The following NCOA1 variants were observed in gnomAD, a reference collection of about 807,000 sequenced individuals.
The protein encoded by NCOA1 is Hin-2 protein.
NCOA1 carries 35 observed loss-of-function variants against 150.9 expected under a neutral mutation model. The ratio of observed to expected loss-of-function variants is 0.23; its 90% CI spans 0.18 to 0.31. The LOEUF (loss-of-function observed/expected upper bound fraction) is 0.31, where lower values mean the gene tolerates loss of function less well. Among genes scored for constraint, NCOA1 ranks in the 10% least tolerant of loss-of-function variants. The pLI, the probability that NCOA1 is intolerant of heterozygous loss-of-function variation, is 1.00. For synonymous variants in NCOA1, 590 were observed against 630.0 expected (o/e 0.94, Z 0.95); for missense variants, 1,491 against 1,749.3 (o/e 0.85, Z 2.63).
chr2:24,673,135 T>A (rs577806353), intron 6 of NCOA1, among the ~76,000 whole-genome samples: 2 of 152,374 alleles, frequency 1.3e-5, no homozygotes, highest in East Asian at 3.9e-4. Context: ...TATTCAAATG[T>A]TCATGCTACC....
intron 17 of NCOA1, among the ~76,000 whole-genome samples, chr2:24,730,124 G>C (rs1662926549): frequency 6.6e-6 from 1 of 152,146 alleles, no homozygotes; most frequent in South Asian, 2.1e-4. Flanking sequence ...GATTACAGGC[G>C]TGAGCCACCG....
chr2:24,586,848 C>T (rs1667433244), intron 3 of NCOA1, among the ~76,000 whole-genome samples: 1 of 152,174 alleles, frequency 6.6e-6, no homozygotes. Flanking sequence ...GTCTGGCTCC[C>T]AGGAGCCTCT....
chr2:24,493,810 G>A (rs967636592), intron 1 of NCOA1, among the ~76,000 whole-genome samples: 10 of 152,200 alleles, frequency 6.6e-5, no homozygotes, highest in Non-Finnish European at 1.3e-4. Flanking sequence ...GAAGCTGTAA[G>A]GGTAGCATGA....
chr2:24,540,521 C>T (rs939849830), intron 1 of NCOA1, among the ~76,000 whole-genome samples: 2 of 150,014 alleles, frequency 1.3e-5, no homozygotes, highest in African/African-American at 2.5e-5. Flanking sequence ...TGCAGTGGTG[C>T]GATCTTGGCT....
At chr2:24,711,181 C>T in intron 14 of NCOA1, 70 bp downstream of exon 14, 1 of 1,391,374 alleles carries the variant, frequency 7.2e-7, no homozygotes, top group East Asian at 2.4e-5. Flanking sequence ...TGTCTCTCAC[C>T]AGTATTACAC....
chr2:24,509,332 A>G (rs1325698011), intron 1 of NCOA1, among the ~76,000 whole-genome samples: 1 of 152,252 alleles, frequency 6.6e-6, no homozygotes, highest in Non-Finnish European at 1.5e-5. Flanking sequence ...TCTTGTGCTC[A>G]TAATCACTTT....
chr2:24,575,564 T>G (rs1666919122), intron 2 of NCOA1, among the ~76,000 whole-genome samples: 1 of 150,874 alleles, frequency 6.6e-6, no homozygotes, highest in Admixed American at 6.6e-5. Context: ...AGAGGCCATT[T>G]TTTTTCTTTT....
At chr2:24,559,875 G>A (rs1334471324) in intron 1 of NCOA1, among the ~76,000 whole-genome samples, 4 of 152,186 alleles carry the variant, frequency 2.6e-5, no homozygotes, top group Non-Finnish European at 5.9e-5. Context: ...CCCAGAGGCA[G>A]AGGCATTTTG....
At chr2:24,585,950 AG>A (rs1208621405) in intron 3 of NCOA1, among the ~76,000 whole-genome samples, 1 of 152,214 alleles carries the variant, frequency 6.6e-6, no homozygotes, top group African/African-American at 2.4e-5. Flanking sequence ...AAACATATGA[AG>A]GATTTTTAAT....
intron 3 of NCOA1, among the ~76,000 whole-genome samples, chr2:24,604,909 T>C (rs1425212359): frequency 6.6e-6 from 1 of 152,246 alleles, no homozygotes; most frequent in Non-Finnish European, 1.5e-5. Flanking sequence ...TTCTAGCTTT[T>C]GATTTAAAGT....
intron 3 of NCOA1, among the ~76,000 whole-genome samples, chr2:24,589,630 GGTGT>G (rs148118845): frequency 0.026 from 3,770 of 147,528 alleles, 150 homozygotes; most frequent in African/African-American, 0.083. Flanking sequence ...AGAGGTTGGT[GGTGT>G]GTGTGTGTGT....
chr2:24,760,895 T>C (rs2148697056), intron 21 of NCOA1, among the ~76,000 whole-genome samples: 1 of 152,130 alleles, frequency 6.6e-6, no homozygotes, highest in East Asian at 1.9e-4. Flanking sequence ...TCACCCAGGC[T>C]GGAGTGTAAT....
intron 3 of NCOA1, among the ~76,000 whole-genome samples, chr2:24,612,439 T>G (rs1286681975): frequency 6.6e-6 from 1 of 152,256 alleles, no homozygotes; most frequent in African/African-American, 2.4e-5. Flanking sequence ...CTACCTCTCT[T>G]GCAAGATTCG....
At chr2:24,665,565 T>C (rs1671382061) in intron 5 of NCOA1, among the ~76,000 whole-genome samples, 184 bp from the exon 6 acceptor site, 1 of 152,232 alleles carries the variant, frequency 6.6e-6, no homozygotes, top group Admixed American at 6.5e-5. Flanking sequence ...CCAGAATTGT[T>C]TTCTAAATTT....
At chr2:24,567,761 C>CT (rs956107262) in intron 2 of NCOA1, among the ~76,000 whole-genome samples, 1 of 152,096 alleles carries the variant, frequency 6.6e-6, no homozygotes, top group Non-Finnish European at 1.5e-5. Context: ...TTATCAATTT[C>CT]TTTTTTTAAG....
chr2:24,499,808 CCT>C (rs1486843820), intron 1 of NCOA1, among the ~76,000 whole-genome samples: 1 of 152,136 alleles, frequency 6.6e-6, no homozygotes, highest in African/African-American at 2.4e-5. Flanking sequence ...TTGTTCCAGC[CCT>C]GTCTATTATT....
intron 2 of NCOA1, among the ~76,000 whole-genome samples, chr2:24,570,771 A>C (rs958559246): frequency 2.0e-5 from 3 of 152,252 alleles, no homozygotes. Context: ...ACAGAGAAAC[A>C]CATTAAGTGA....
chr2:24,541,649 A>AT (rs935803005), intron 1 of NCOA1, among the ~76,000 whole-genome samples: 28 of 152,116 alleles, frequency 1.8e-4, no homozygotes. Context: ...TCTGAAAAAG[A>AT]TTTTTTGACA....
intron 4 of NCOA1, among the ~76,000 whole-genome samples, chr2:24,653,284 C>T (rs750704653): frequency 1.1e-4 from 16 of 152,044 alleles, no homozygotes; most frequent in Non-Finnish European, 2.2e-4. Flanking sequence ...TGAAATATCA[C>T]GGGTTGTTTT....
Sources: gnomAD v4.1 joint callset for allele counts (sites outside exome capture counted in the v4.1 genomes callset) on GRCh38, gnomAD v4.1.1 for gene constraint, MANE v1.5 for transcripts, NCBI Gene and HGNC (gene_info 2026-07-23, HGNC 2026-07-21) for gene names.